The following WIPI2 variants were observed in gnomAD, a reference collection of about 807,000 sequenced individuals.
The protein encoded by WIPI2 is WD repeat domain, phosphoinositide interacting 2, also known as WD repeat domain phosphoinositide-interacting protein 2.
WIPI2 carries 28 observed loss-of-function variants against 52.3 expected under a neutral mutation model. The ratio of observed to expected loss-of-function variants is 0.54; its 90% CI spans 0.40 to 0.73. WIPI2 has a LOEUF of 0.73. Ranked by LOEUF, WIPI2 falls within the 30% of genes least tolerant of loss-of-function variation. The pLI is 0.00. For missense variants in WIPI2, 506 were observed against 602.9 expected, an observed-to-expected ratio of 0.84 and a Z score of 1.68; for synonymous variants, 268 against 245.0, an observed-to-expected ratio of 1.09 and a Z score of -0.88.
chr7:5,201,615 GCACA>G (rs1782031772), intron 3 of WIPI2, among the ~76,000 whole-genome samples: 1 of 152,134 alleles, frequency 6.6e-6, no homozygotes, highest in South Asian at 2.1e-4. Context: ...GCATGGTGGC[GCACA>G]CCTGTAATCC....
rs1356037493 is a variant in WIPI2, at chr7:5,230,803, C to T, written c.1253-32C>T. 2 of 1,585,056 alleles carry T rather than the reference C, an allele frequency of 1.3e-6. No homozygotes were observed. Among genetic ancestry groups the T allele is most frequent in the Non-Finnish European group, 1.7e-6 (2 of 1,158,324 alleles). ...ATGGGGTCTGTGGTGTGTCCCCAGCCTTTGAAGGGTGACTTCGTCGTCTCT... is the reference window on the plus strand; with the variant it reads ...ATGGGGTCTGTGGTGTGTCCCCAGCTTTTGAAGGGTGACTTCGTCGTCTCT... On this transcript the variant is annotated intron_variant, in intron 12 of 12. Transcript: ENST00000288828. The surrounding 1 kb of genome is among the most constrained non-coding windows in gnomAD (Gnocchi z 4.8).
In WIPI2 at chr7:5,231,219, G is replaced by A. The variant is rs181396494; in HGVS notation, c.*272G>A. ...CAAAATTAACTGTTTGGTGAAGCCCGCAAAACCTCCTCGCTTTGCATGCAT... is the reference window on the plus strand; with the variant it reads ...CAAAATTAACTGTTTGGTGAAGCCCACAAAACCTCCTCGCTTTGCATGCAT... On this transcript the variant is annotated 3_prime_UTR_variant, in exon 13 of 13. Transcript: ENST00000288828. 2.8e-5 allele frequency: 10 copies of A among 359,682 alleles called. No individual in the cohort carries two copies. Among genetic ancestry groups the A allele is most frequent in the Non-Finnish European group, 5.0e-5 (10 of 199,862 alleles). 22.3% of individuals were successfully genotyped at this position (359,682 alleles called of 1,614,324 possible). A position where few individuals can be genotyped will look rare whatever the true frequency, so the allele number is the denominator to read the frequency against.
intron 11 of WIPI2, 27 bp from the exon 12 acceptor site, chr7:5,229,581 T>C (rs1478165147): frequency 1.2e-6 from 2 of 1,607,264 alleles, no homozygotes; most frequent in African/African-American, 2.7e-5. Context: ...GTGGAGACGC[T>C]GAGCTGTGTC....
intron 3 of WIPI2, among the ~76,000 whole-genome samples, chr7:5,211,194 G>A (rs890340920): frequency 6.6e-6 from 1 of 152,222 alleles, no homozygotes; most frequent in African/African-American, 2.4e-5. Context: ...TCCCGAGGCT[G>A]GGAGCGGTGG....
intron 11 of WIPI2, among the ~76,000 whole-genome samples, chr7:5,228,521 C>T (rs1343767166): frequency 1.3e-5 from 2 of 152,324 alleles, no homozygotes; most frequent in Admixed American, 1.3e-4. Flanking sequence ...GAGGCCAGGC[C>T]TTCCTCCCCA....
At chr7:5,223,767 C>CA (rs1254646398) in intron 8 of WIPI2, among the ~76,000 whole-genome samples, 4 of 152,284 alleles carry the variant, frequency 2.6e-5, no homozygotes, top group Non-Finnish European at 5.9e-5. Context: ...CCTCGTCCCT[C>CA]ACACTCCCCA....
rs1397030287 is a variant in WIPI2, at chr7:5,230,314, CT to C, written c.1253-520del. 1.3e-5 allele frequency among the ~76,000 whole-genome samples: 2 copies of C among 152,226 alleles called. No homozygotes were observed. The highest frequency in any genetic ancestry group is 3.8e-4 in the East Asian group (2 of 5,202). Reference sequence around the variant, plus strand: ...AGGGGAATGAGGCCAATGGGCTCCCCTCCGGCGGCAGCACTAAGACCCATGC... The same window carrying C: ...AGGGGAATGAGGCCAATGGGCTCCCCCCGGCGGCAGCACTAAGACCCATGC... On this transcript the variant is annotated intron_variant, in intron 12 of 12. Transcript: ENST00000288828. This position sits in a 1 kb window ranked among gnomAD's most constrained non-coding sequence, Gnocchi z 4.8.
In WIPI2 at chr7:5,228,282, G is replaced by A. The variant is rs577958028; in HGVS notation, c.1121+71G>A. ...GGGGCTTTCGGGGCACCTGGCGAAC[G>A]TTTGTTTATTTCCTTGCAAACCAGT... On this transcript the variant is annotated intron_variant, in intron 11 of 12. Transcript: ENST00000288828. 3.8e-4 allele frequency: 519 copies of A among 1,377,190 alleles called. 1 individual carries two copies. In the African/African-American group the frequency reaches 6.5e-3, roughly 17 times the overall value. 85.3% of individuals were successfully genotyped at this position (1,377,190 alleles called of 1,614,324 possible). A position where few individuals can be genotyped will look rare whatever the true frequency, so the allele number is the denominator to read the frequency against.
chr7:5,214,385 TC>T, intron 3 of WIPI2, 149 bp from the exon 4 acceptor site: 1 of 1,605,016 alleles, frequency 6.2e-7, no homozygotes, highest in Non-Finnish European at 8.5e-7. Flanking sequence ...CCCCGGGCTG[TC>T]CCCACCCCAT....
chr7:5,217,717 T>A (rs986003812), intron 6 of WIPI2: 1 of 599,588 alleles, frequency 1.7e-6, no homozygotes, highest in Non-Finnish European at 3.0e-6. Context: ...TAGAAAACCT[T>A]AGGGATAAAT....
At position 5,222,536 on chromosome 7, in the gene WIPI2, T is replaced by C. The variant is rs1783193273; in HGVS notation, c.670-66T>C. The C allele has an allele frequency of 2.0e-6, 3 of 1,508,014 alleles. No homozygotes were observed. In the African/African-American group the frequency reaches 4.1e-5, roughly 21 times the overall value. 93.4% of individuals were successfully genotyped at this position (1,508,014 alleles called of 1,614,324 possible). On this transcript the variant is annotated intron_variant, in intron 7 of 12. Transcript: ENST00000288828. ...GCCGTGTGGCGCATTTGCAGTCTGC[T>C]GTGAAAGATGGGAAATTCCTGTTTT... is the stretch of plus-strand genomic sequence containing the variant.
In WIPI2 at chr7:5,214,554, C is replaced by T; in HGVS notation, c.231C>T (p.Cys77=). ...TTTCAGCCGATACGGAAGATGTGTG[C>T]ATTGTAGAGAGATTGTTCTCCAGCA... ...IYECTDTEDV[C]IVERLFSSSL... is the part of the protein sequence containing the mutation. The change falls in exon 4 of 13, where the codon TGC becomes TGT. Residue 77 remains cysteine (C), a synonymous_variant. Transcript: ENST00000288828. The T allele has an allele frequency of 6.2e-7, 1 of 1,614,254 alleles. No homozygotes were observed. The highest frequency in any genetic ancestry group is 8.5e-7 in the Non-Finnish European group (1 of 1,180,048).
chr7:5,203,453 G>C (rs1319311375), intron 3 of WIPI2, among the ~76,000 whole-genome samples: 2 of 152,060 alleles, frequency 1.3e-5, no homozygotes, highest in African/African-American at 4.8e-5. Context: ...GCCAGCAGAA[G>C]CAAAAAGCAA....
In WIPI2 at chr7:5,232,193, A is replaced by C. The variant is rs1205836308; in HGVS notation, c.*1246A>C. 5 of 398,680 alleles carry C rather than the reference A, an allele frequency of 1.3e-5. No individual in the cohort carries two copies. Among genetic ancestry groups the C allele is most frequent in the South Asian group, 2.5e-4 (2 of 7,862 alleles). 24.7% of individuals were successfully genotyped at this position (398,680 alleles called of 1,614,324 possible). On this transcript the variant is annotated 3_prime_UTR_variant, in exon 13 of 13. Coordinates refer to ENST00000288828, the MANE Select transcript of WIPI2 (RefSeq NM_015610.4). ...TGGAGTGGTGGAAGTTACGGATAGA[A>C]GGGAAAAGGCAAAAACTATTTACCC...
rs1781411632 is a variant in WIPI2 at position 5,190,359 on chromosome 7, G to C, written c.-61G>C. 1 of 1,250,214 alleles carries C rather than the reference G, an allele frequency of 8.0e-7. No individual in the cohort carries two copies. Among genetic ancestry groups the C allele is most frequent in the Non-Finnish European group, 1.0e-6 (1 of 979,458 alleles). 77.4% of individuals were successfully genotyped at this position (1,250,214 alleles called of 1,614,324 possible). On this transcript the variant is annotated 5_prime_UTR_variant, in exon 1 of 13. Coordinates refer to ENST00000288828, the MANE Select transcript of WIPI2 (RefSeq NM_015610.4). ...GGGCCCGGCGCCGACCCTGAGTGCA[G>C]CCTGACCCGCCCTCGCGCGCGCGCC...
chr7:5,217,928 G>A lies in WIPI2; in HGVS notation c.583G>A (p.Ala195Thr). 1 of 1,614,160 alleles carries A rather than the reference G, an allele frequency of 6.2e-7. No homozygotes were observed. The highest frequency in any genetic ancestry group is 1.1e-5 in the South Asian group (1 of 91,090). The change falls in exon 7 of 13, where the codon GCA (alanine) becomes ACA (threonine). Residue 195 changes from alanine (A) to threonine (T), a missense_variant. Transcript: ENST00000288828. ...ATTGGTGTCCCTTTTTCAGAGAGCT[G>A]CAAACATGATTCCGGCTCACGACAG... is the stretch of plus-strand genomic sequence containing the variant. ...QVFDTINLRA[A>T]NMIPAHDSPL...
rs531478605 is a variant in WIPI2, at chr7:5,229,525, G to A, written c.1122-83G>A. 2.8e-5 allele frequency: 42 copies of A among 1,516,268 alleles called. 2 individuals are homozygous for A. The South Asian group carries it at 4.7e-4, about 17-fold the overall frequency. The allele number at this position is 1,516,268 out of a possible 1,614,324, so 93.9% of individuals were successfully genotyped here. On this transcript the variant is annotated intron_variant, in intron 11 of 12. Coordinates refer to ENST00000288828, the MANE Select transcript of WIPI2 (RefSeq NM_015610.4). ...GTGTGGTGAGTGGTGTGCTGGCTCT[G>A]TTGCCGCAGGGCAGCCAGTGTGTAC...
At chr7:5,203,649 T>G (rs866848483) in intron 3 of WIPI2, among the ~76,000 whole-genome samples, 3 of 148,754 alleles carry the variant, frequency 2.0e-5, no homozygotes, top group African/African-American at 5.0e-5. Context: ...TTTTTTTTTT[T>G]TGAGACGGAG....
chr7:5,199,756 C>T, intron 3 of WIPI2, 98 bp downstream of exon 3: 2 of 1,200,996 alleles, frequency 1.7e-6, no homozygotes, highest in African/African-American at 1.5e-5. Context: ...TGGTTGAAGT[C>T]CAGACACCCT....
Sources: gnomAD v4.1 joint callset for allele counts (sites outside exome capture counted in the v4.1 genomes callset) on GRCh38, gnomAD v4.1.1 for gene constraint, Gnocchi (gnomAD v3.1) non-coding constraint, MANE v1.5 for transcripts, NCBI Gene and HGNC (gene_info 2026-07-23, HGNC 2026-07-21) for gene names.